CEP128: variants seen among roughly 807,000 people sequenced by gnomAD.
CEP128 encodes the protein centrosomal protein 128.
A neutral mutation model predicts 156.7 loss-of-function variants in CEP128; 132 were observed. That is an observed-to-expected ratio of 0.84 (90% CI 0.73 to 0.97). The LOEUF (loss-of-function observed/expected upper bound fraction) is 0.97, where lower values mean the gene tolerates loss of function less well. CEP128 is among the 50% of genes least tolerant of loss of function. CEP128 has a pLI of 0.00. For missense variants in CEP128, 1,252 were observed against 1,281.9 expected (o/e 0.98, Z 0.36); for synonymous variants, 469 against 448.9 (o/e 1.04, Z -0.57).
In CEP128 at chr14:80,526,980, A is replaced by T; in HGVS notation, c.2961T>A (p.Asp987Glu). The change falls in exon 23 of 25, where the codon GAT becomes GAA. Residue 987 changes from aspartate to glutamate, a missense_variant and splice_region_variant. Transcript: ENST00000555265. Reference sequence around the variant, plus strand: ...CAGTTCTCTCAGATGAACTGCAGGAATCCTGGAAAAAAAAAAAAGCAAAGG... The same window carrying T: ...CAGTTCTCTCAGATGAACTGCAGGATTCCTGGAAAAAAAAAAAAGCAAAGG... The part of the protein sequence containing the change: ...SLLEDFKDFR[D>E]SCSSSERTDG... 6.9e-7 allele frequency: 1 copy of T among 1,441,104 alleles called. No homozygotes were observed. Among genetic ancestry groups the T allele is most frequent in the Non-Finnish European group, 9.4e-7 (1 of 1,063,462 alleles). The allele number at this position is 1,441,104 out of a possible 1,614,324, so 89.3% of individuals were successfully genotyped here. A position where few individuals can be genotyped will look rare whatever the true frequency, so the allele number is the denominator to read the frequency against.
At chr14:80,658,887 T>C (rs993618898) in intron 19 of CEP128, among the ~76,000 whole-genome samples, 5 of 152,134 alleles carry the variant, frequency 3.3e-5, no homozygotes, top group African/African-American at 1.2e-4. Flanking sequence ...CAGCAATGCT[T>C]AAAGTTACAT....
chr14:80,571,845 T>TTGAG (rs67763079), intron 20 of CEP128, among the ~76,000 whole-genome samples: 1 of 29,782 alleles, frequency 3.4e-5, no homozygotes, highest in Non-Finnish European at 6.5e-5. Flanking sequence ...TTCATTGCTC[T>TTGAG]TAAGTATAGT....
At chr14:80,599,174 T>C (rs1892470629) in intron 19 of CEP128, among the ~76,000 whole-genome samples, 1 of 152,184 alleles carries the variant, frequency 6.6e-6, no homozygotes, top group South Asian at 2.1e-4. Flanking sequence ...TAAATTTTAA[T>C]TGGTTAATTA....
chr14:80,662,292 T>C (rs1346622785), intron 19 of CEP128, among the ~76,000 whole-genome samples: 1 of 152,190 alleles, frequency 6.6e-6, no homozygotes, highest in Admixed American at 6.6e-5. Context: ...GAATAGAAAA[T>C]ATTAAGCACA....
At position 80,916,567 on chromosome 14, in the gene CEP128, T is replaced by G. The variant is rs1380225479; in HGVS notation, c.-15-5A>C. 1 of 1,602,814 alleles carries G rather than the reference T, an allele frequency of 6.2e-7. No homozygotes were observed. The highest frequency in any genetic ancestry group is 2.2e-5 in the East Asian group (1 of 44,776). ...TGCCATTGATGTACACAAATCCTTT[T>G]AAATAAATATAGGTCAAAGTTAATG... is the stretch of plus-strand genomic sequence containing the variant. On this transcript the variant is annotated splice_polypyrimidine_tract_variant and splice_region_variant and intron_variant, in intron 2 of 24. Transcript: ENST00000555265.
At chr14:80,900,813 TTAA>T (rs1883509106) in intron 6 of CEP128, among the ~76,000 whole-genome samples, 1 of 146,784 alleles carries the variant, frequency 6.8e-6, no homozygotes, top group Non-Finnish European at 1.5e-5. Context: ...GTAGTAAAAA[TTAA>T]AAAAGTAAAA....
At chr14:80,529,984 C>A (rs1171070275) in intron 22 of CEP128, among the ~76,000 whole-genome samples, 3 of 152,134 alleles carry the variant, frequency 2.0e-5, no homozygotes, top group African/African-American at 7.2e-5. Flanking sequence ...TGGCCATTTT[C>A]CTATCCACTG....
chr14:80,616,459 A>T (rs1893216430), intron 19 of CEP128, among the ~76,000 whole-genome samples: 1 of 152,206 alleles, frequency 6.6e-6, no homozygotes, highest in African/African-American at 2.4e-5. Context: ...AAAGTTGGAC[A>T]TCTAATTCAG....
intron 19 of CEP128, among the ~76,000 whole-genome samples, chr14:80,710,500 A>T (rs1490700877): frequency 6.6e-6 from 1 of 152,110 alleles, no homozygotes; most frequent in Non-Finnish European, 1.5e-5. Flanking sequence ...CATAAAACAT[A>T]ATTTCTTAAA....
At chr14:80,824,771 T>C (rs1885377765) in intron 13 of CEP128, among the ~76,000 whole-genome samples, 1 of 152,214 alleles carries the variant, frequency 6.6e-6, no homozygotes, top group African/African-American at 2.4e-5. Context: ...CATTTTCATG[T>C]ATTCTTTTGA....
At chr14:80,923,939 G>T (rs1423893281) in intron 2 of CEP128, among the ~76,000 whole-genome samples, 1 of 152,050 alleles carries the variant, frequency 6.6e-6, no homozygotes. Flanking sequence ...TTTATAAGGG[G>T]CTCTTCCCTC....
chr14:80,955,855 G>A (rs1163091846), intron 2 of CEP128: 1 of 1,614,144 alleles, frequency 6.2e-7, no homozygotes, highest in African/African-American at 1.3e-5. Flanking sequence ...GACTCTGTGA[G>A]TACCCGGGAG....
chr14:80,598,631 A>T (rs956600978), intron 19 of CEP128, among the ~76,000 whole-genome samples: 1 of 152,182 alleles, frequency 6.6e-6, no homozygotes, highest in South Asian at 2.1e-4. Context: ...TCTTAAGTCT[A>T]TATGGAAAGG....
intron 2 of CEP128, among the ~76,000 whole-genome samples, chr14:80,937,245 T>C (rs1885859270): frequency 6.6e-6 from 1 of 152,084 alleles, no homozygotes; most frequent in African/African-American, 2.4e-5. Context: ...TTCTCAAACC[T>C]GGGAGGTAGA....
intron 6 of CEP128, among the ~76,000 whole-genome samples, chr14:80,900,548 T>C (rs978858271): frequency 2.0e-5 from 3 of 152,234 alleles, no homozygotes; most frequent in Non-Finnish European, 4.4e-5. Flanking sequence ...GTACAGAAAC[T>C]CTTCCTCATG....
At position 80,785,525 on chromosome 14, in the gene CEP128, T is replaced by G. The variant is rs772902113; in HGVS notation, c.1581A>C (p.Glu527Asp). 6.2e-7 allele frequency: 1 copy of G among 1,604,858 alleles called. No homozygotes were observed. The highest frequency in any genetic ancestry group is 8.5e-7 in the Non-Finnish European group (1 of 1,176,640). Residue 527 changes from glutamate to aspartate, a missense_variant, in exon 15 of 25, where the codon GAA becomes GAC. Transcript: ENST00000555265. Reference sequence around the variant, plus strand: ...ATGCTGCATACAGCTGGGTTTTCAATTCATCCTTTTCTTTTAAAATCTATC... The same window carrying G: ...ATGCTGCATACAGCTGGGTTTTCAAGTCATCCTTTTCTTTTAAAATCTATC... ...KNNQILKEKD[E>D]LKTQLYAALQ... is the part of the protein sequence containing the mutation.
At chr14:80,687,903 A>G (rs1896582290) in intron 19 of CEP128, among the ~76,000 whole-genome samples, 1 of 152,184 alleles carries the variant, frequency 6.6e-6, no homozygotes, top group African/African-American at 2.4e-5. Context: ...GATTTTTTCC[A>G]GGTGCCAAAA....
chr14:80,876,390 G>T (rs1888283648), intron 8 of CEP128, among the ~76,000 whole-genome samples: 1 of 152,220 alleles, frequency 6.6e-6, no homozygotes, highest in African/African-American at 2.4e-5. Flanking sequence ...AAGGTCAGGA[G>T]ATCGAGACCA....
chr14:80,685,380 C>A (rs745381178), intron 19 of CEP128, among the ~76,000 whole-genome samples: 1 of 151,994 alleles, frequency 6.6e-6, no homozygotes, highest in Non-Finnish European at 1.5e-5. Context: ...TGAAATAAAT[C>A]TAACCGAAGA....
Sources: gnomAD v4.1 joint callset for allele counts (sites outside exome capture counted in the v4.1 genomes callset) on GRCh38, gnomAD v4.1.1 for gene constraint, MANE v1.5 for transcripts, NCBI Gene and HGNC (gene_info 2026-07-23, HGNC 2026-07-21) for gene names.